ZNF326: variants seen among roughly 807,000 people sequenced by gnomAD.
ZNF326 encodes the protein zinc finger protein 326, also known as DBIRD complex subunit ZNF326.
In ZNF326, 30 loss-of-function variants were observed where a neutral mutation model predicts 63.1. That is an observed-to-expected ratio of 0.48 (90% CI 0.36 to 0.64). The LOEUF is 0.64. Among genes scored for constraint, ZNF326 ranks in the 30% least tolerant of loss-of-function variants. The probability of loss-of-function intolerance (pLI) is 0.00; values close to 1 mark genes in which losing one functional copy is unlikely to be tolerated. For synonymous variants in ZNF326, 194 were observed against 228.2 expected (o/e 0.85, Z 1.35); for missense variants, 609 against 720.3 (o/e 0.85, Z 1.77).
Position 90,010,134 on chromosome 1 carries a change from A to C in ZNF326, c.662A>C (p.Asp221Ala). Residue 221 changes from aspartate (D) to alanine (A), a missense_variant, in exon 6 of 12, where the codon GAC becomes GCC. By Grantham distance (126) the Asp-to-Ala change is moderately radical. Coordinates refer to ENST00000340281, the MANE Select transcript of ZNF326 (RefSeq NM_182976.4). The stretch of plus-strand genomic sequence containing the variant: ...ATTCATAGACCCGGAATTGTTGTTG[A>C]CTATCAAAACAAATCCACCAATGTG... ...GSIHRPGIVVDYQNKSTNVTV... is the reference protein window; with the variant it reads ...GSIHRPGIVVAYQNKSTNVTV... 1 of 1,613,854 alleles carries C rather than the reference A, an allele frequency of 6.2e-7. No homozygotes were observed. Among genetic ancestry groups the C allele is most frequent in the Middle Eastern group, 1.7e-4 (1 of 6,058 alleles).
At position 90,013,132 on chromosome 1, in the gene ZNF326, C is replaced by T; in HGVS notation, c.821C>T (p.Thr274Ile). ...KISLSKSPTK[T>I]DPKNEEEEKR... The stretch of plus-strand genomic sequence containing the variant: ...TTTTTGTGTAATATCCTAGCAAAAA[C>T]TGATCCTAAAAATGAAGAGGAAGAA... The change falls in exon 7 of 12, where the codon ACT becomes ATT. Residue 274 changes from threonine (T) to isoleucine (I), a missense_variant. By Grantham distance (89) the Thr-to-Ile change is moderately conservative. Around this residue, in one of 3 missense-constraint regions of ZNF326, gnomAD observed 399 missense variants for 444.3 expected, o/e 0.90. Transcript: ENST00000340281. The T allele has an allele frequency of 6.2e-7, 1 of 1,609,348 alleles. No individual in the cohort carries two copies. The highest frequency in any genetic ancestry group is 8.5e-7 in the Non-Finnish European group (1 of 1,178,444).
chr1:90,023,671 CA>C (rs1649876933), intron 11 of ZNF326, among the ~76,000 whole-genome samples: 1 of 152,252 alleles, frequency 6.6e-6, no homozygotes, highest in African/African-American at 2.4e-5. Context: ...CTTGCATTGT[CA>C]CAAACTTCTG....
chr1:90,010,343 C>A (rs1649177840), intron 6 of ZNF326, 57 bp downstream of exon 6: 1 of 1,553,384 alleles, frequency 6.4e-7, no homozygotes, highest in Admixed American at 1.9e-5. Context: ...TTTAAAATTC[C>A]ATACTTTTTG....
At chr1:89,997,237 TAACTA>T (rs1648422332) in intron 1 of ZNF326, among the ~76,000 whole-genome samples, 1 of 152,228 alleles carries the variant, frequency 6.6e-6, no homozygotes, top group Non-Finnish European at 1.5e-5. Context: ...TTTGTAAAAT[TAACTA>T]AAGAATTTAA....
At chr1:90,013,313 A>T in intron 7 of ZNF326, 76 bp downstream of exon 7, 1 of 1,121,718 alleles carries the variant, frequency 8.9e-7, no homozygotes, top group Non-Finnish European at 1.2e-6. Flanking sequence ...CAATTGTAAT[A>T]TTAAAAAGTT....
chr1:90,017,244 A>T, intron 7 of ZNF326, 73 bp from the exon 8 acceptor site: 1 of 1,053,136 alleles, frequency 9.5e-7, no homozygotes, highest in South Asian at 1.8e-5. Context: ...ATTAGTTTCA[A>T]TGTTATATTC....
chr1:90,005,249 A>G lies in ZNF326; in HGVS notation c.209+5A>G. On this transcript the variant is annotated splice_donor_5th_base_variant and intron_variant, in intron 4 of 11. Coordinates refer to ENST00000340281, the MANE Select transcript of ZNF326 (RefSeq NM_182976.4). ...TGGTGGTGGTGGGGGTAGCAGGTAA[A>G]TTGCTTAATCATTTGGCCAAATAAT... is the stretch of plus-strand genomic sequence containing the variant. The G allele has an allele frequency of 6.2e-7, 1 of 1,608,240 alleles. No individual in the cohort carries two copies. Among genetic ancestry groups the G allele is most frequent in the Non-Finnish European group, 8.5e-7 (1 of 1,178,326 alleles).
At chr1:90,021,115 TC>T (rs1377752095) in intron 10 of ZNF326, among the ~76,000 whole-genome samples, 193 bp downstream of exon 10, 34 of 152,222 alleles carry the variant, frequency 2.2e-4, no homozygotes, top group Non-Finnish European at 4.7e-4. Context: ...CCTGAGTTGT[TC>T]AATCTATAAC....
chr1:90,032,396 T>G lies in ZNF326; in HGVS notation c.*4695T>G, dbSNP rs1650316222. On this transcript the variant is annotated 3_prime_UTR_variant, in exon 12 of 12. Coordinates refer to ENST00000340281, the MANE Select transcript of ZNF326 (RefSeq NM_182976.4). Reference sequence around the variant, plus strand: ...GTGGAAGGGTACTATGGGTAGCTTATTTATTAGATCAGTATAAAGTATAGA... The same window carrying G: ...GTGGAAGGGTACTATGGGTAGCTTAGTTATTAGATCAGTATAAAGTATAGA... 6.6e-6 allele frequency: 1 copy of G among 152,256 alleles called. No homozygotes were observed. Among genetic ancestry groups the G allele is most frequent in the African/African-American group, 2.4e-5 (1 of 41,440 alleles). The allele number at this position is 152,256 out of a possible 1,614,324, so 9.4% of individuals were successfully genotyped here. A position where few individuals can be genotyped will look rare whatever the true frequency, so the allele number is the denominator to read the frequency against.
intron 1 of ZNF326, among the ~76,000 whole-genome samples, chr1:89,997,143 A>G (rs1381131740): frequency 6.6e-6 from 1 of 152,252 alleles, no homozygotes; most frequent in African/African-American, 2.4e-5. Context: ...CTAACACCAT[A>G]TATGAATCTA....
intron 2 of ZNF326, among the ~76,000 whole-genome samples, chr1:90,002,468 T>A (rs1011921373): frequency 1.2e-4 from 19 of 152,340 alleles, no homozygotes; most frequent in African/African-American, 4.6e-4. Context: ...TAATCTTATT[T>A]TTTAATATGA....
In ZNF326 at chr1:90,012,706, G is replaced by A. The variant is rs758279732; in HGVS notation, c.815-420G>A. 5.1e-4 allele frequency among the ~76,000 whole-genome samples: 78 copies of A among 152,224 alleles called. 1 individual carries two copies. In the Middle Eastern group the frequency reaches 0.01, roughly 20 times the overall value. ...GAGAGCTCCTACAATATGAACATGA[G>A]TTCTTGCATCCAGGGCTCTGCAGTG... On this transcript the variant is annotated intron_variant, in intron 6 of 11. Coordinates refer to ENST00000340281, the MANE Select transcript of ZNF326 (RefSeq NM_182976.4).
At position 90,017,366 on chromosome 1, in the gene ZNF326, G is replaced by T; in HGVS notation, c.976G>T (p.Asp326Tyr). 6.2e-7 allele frequency: 1 copy of T among 1,605,422 alleles called. No individual in the cohort carries two copies. The highest frequency in any genetic ancestry group is 8.5e-7 in the Non-Finnish European group (1 of 1,177,414). Residue 326 changes from aspartate to tyrosine, a missense_variant, in exon 8 of 12, where the codon GAT becomes TAT. By Grantham distance (160) the Asp-to-Tyr change is radical (BLOSUM62 -3). This residue lies in a region of ZNF326 where 399 missense variants were observed against 444.3 expected (regional missense o/e 0.90). Transcript: ENST00000340281. ...TAAATTTCGAACATTTGAAGAAAAA[G>T]ATATTGAACTGCATCTGGAAAGTTC... The part of the protein sequence containing the change: ...FCKFRTFEEK[D>Y]IELHLESSSH...
At position 90,028,686 on chromosome 1, in the gene ZNF326, A is replaced by G. The variant is rs1650136399; in HGVS notation, c.*985A>G. ...ATGGCTTATATACCTACATATTTAA[A>G]AAGAGAACATGAGCTTGATAGAGGA... On this transcript the variant is annotated 3_prime_UTR_variant, in exon 12 of 12. Coordinates refer to ENST00000340281, the MANE Select transcript of ZNF326 (RefSeq NM_182976.4). 6.6e-6 allele frequency: 1 copy of G among 152,202 alleles called. No individual in the cohort carries two copies. The highest frequency in any genetic ancestry group is 1.5e-5 in the Non-Finnish European group (1 of 68,046). 9.4% of individuals were successfully genotyped at this position (152,202 alleles called of 1,614,324 possible). A position where few individuals can be genotyped will look rare whatever the true frequency, so the allele number is the denominator to read the frequency against.
At chr1:89,996,687 C>A (rs551523765) in intron 1 of ZNF326, among the ~76,000 whole-genome samples, 10 of 150,570 alleles carry the variant, frequency 6.6e-5, no homozygotes, top group African/African-American at 2.2e-4. Flanking sequence ...TGCAGTGAGC[C>A]GAGATCGTGC....
In ZNF326 at chr1:90,027,523, TGA is replaced by T; in HGVS notation, c.1576_1577del (p.Glu526ArgfsTer47). ...GAGGAAGTGGAAGAAGTAGAGGAAG[TGA>T]GAGAAGGAGGAATAGAGGGCGAGGG... On this transcript the variant is annotated frameshift_variant, in exon 12 of 12. Coordinates refer to ENST00000340281, the MANE Select transcript of ZNF326 (RefSeq NM_182976.4). LOFTEE classifies it low-confidence loss of function (END_TRUNC). The T allele has an allele frequency of 1.9e-6, 3 of 1,604,082 alleles. No homozygotes were observed. Among genetic ancestry groups the T allele is most frequent in the Non-Finnish European group, 2.5e-6 (3 of 1,176,898 alleles).
chr1:90,003,421 C>T lies in ZNF326; in HGVS notation c.62-1582C>T, dbSNP rs905206194. Among the ~76,000 whole-genome samples, 18 of 152,236 alleles carry T rather than the reference C, an allele frequency of 1.2e-4. No homozygotes were observed. In the East Asian group the frequency reaches 2.3e-3, roughly 20 times the overall value. ...TGCTGGGATTACAGGCGTGAGCCAC[C>T]GCGCCCAGCAACTGCTGTTCTAAGA... is the stretch of plus-strand genomic sequence containing the variant. On this transcript the variant is annotated intron_variant, in intron 2 of 11. Coordinates refer to ENST00000340281, the MANE Select transcript of ZNF326 (RefSeq NM_182976.4).
chr1:90,003,120 A>G (rs1158601324), intron 2 of ZNF326, among the ~76,000 whole-genome samples: 1 of 148,336 alleles, frequency 6.7e-6, no homozygotes, highest in African/African-American at 2.5e-5. Flanking sequence ...CAATGTTTTC[A>G]CTTAGTTCTT....
intron 1 of ZNF326, among the ~76,000 whole-genome samples, chr1:89,997,822 C>T (rs1382726839): frequency 6.6e-6 from 1 of 152,200 alleles, no homozygotes; most frequent in Non-Finnish European, 1.5e-5. Context: ...TGGTACAAAT[C>T]AGTGCTGAAT....
Sources: allele counts gnomAD v4.1 joint callset (sites outside exome capture counted in the v4.1 genomes callset), GRCh38; gene constraint gnomAD v4.1.1; regional missense constraint gnomAD v4.1.1; transcripts MANE v1.5; gene names NCBI Gene and HGNC (gene_info 2026-07-23, HGNC 2026-07-21).